Variants in HERC1 observed in about 807,000 individuals in gnomAD.
HERC1 encodes the protein probable E3 ubiquitin-protein ligase HERC1.
In HERC1, 160 loss-of-function variants were observed where a neutral mutation model predicts 554.3. That is an observed-to-expected ratio of 0.29 (90% CI 0.25 to 0.33). HERC1 has a LOEUF of 0.33. Ranked by LOEUF, HERC1 falls within the 10% of genes least tolerant of loss-of-function variation. The pLI is 1.00. For missense variants in HERC1, 4,919 were observed against 5,918.5 expected, an observed-to-expected ratio of 0.83 and a Z score of 5.54; for synonymous variants, 2,175 against 2,131.7, an observed-to-expected ratio of 1.02 and a Z score of -0.56.
chr15:63,641,677 T>A, intron 59 of HERC1, 34 bp from the exon 60 acceptor site: 1 of 1,484,884 alleles, frequency 6.7e-7, no homozygotes, highest in Non-Finnish European at 9.0e-7. Context: ...CATAATAAAT[T>A]TGTTTAAATA....
intron 18 of HERC1, among the ~76,000 whole-genome samples, chr15:63,724,074 A>C (rs2073935999): frequency 6.6e-6 from 1 of 152,076 alleles, no homozygotes; most frequent in Non-Finnish European, 1.5e-5. Flanking sequence ...TAAACAAAAT[A>C]AAATTTTAAT....
At chr15:63,659,251 A>T (rs932749674) in intron 47 of HERC1, among the ~76,000 whole-genome samples, 3 of 152,088 alleles carry the variant, frequency 2.0e-5, no homozygotes, top group Non-Finnish European at 2.9e-5. Flanking sequence ...AAAAATCAAA[A>T]CATTTATTTT....
At chr15:63,722,633 T>A (rs998897698) in intron 19 of HERC1, among the ~76,000 whole-genome samples, 3 of 152,244 alleles carry the variant, frequency 2.0e-5, no homozygotes, top group Non-Finnish European at 4.4e-5. Flanking sequence ...GATCTACTGC[T>A]GCGGTATCAC....
intron 32 of HERC1, 25 bp downstream of exon 32, chr15:63,690,516 T>A (rs761500447): frequency 6.8e-7 from 1 of 1,478,036 alleles, no homozygotes; most frequent in Admixed American, 1.8e-5. Flanking sequence ...GGAAAACATC[T>A]TCTAATAATT....
At chr15:63,675,713 G>A (rs996412140) in intron 37 of HERC1, among the ~76,000 whole-genome samples, 5 of 152,034 alleles carry the variant, frequency 3.3e-5, no homozygotes, top group African/African-American at 1.2e-4. Context: ...TATATTTCCT[G>A]ATATTGGCAA....
intron 77 of HERC1, among the ~76,000 whole-genome samples, chr15:63,611,515 C>T (rs2067590194): frequency 6.6e-6 from 1 of 152,230 alleles, no homozygotes; most frequent in African/African-American, 2.4e-5. Context: ...ACAAGGCACA[C>T]AACACAAGTG....
At chr15:63,794,190 T>TG (rs2076740535) in intron 1 of HERC1, among the ~76,000 whole-genome samples, 1 of 152,210 alleles carries the variant, frequency 6.6e-6, no homozygotes, top group African/African-American at 2.4e-5. Flanking sequence ...CAGCAGCCCT[T>TG]GGGGCTGTTC....
In HERC1 at chr15:63,705,601, G is replaced by A. The variant is rs191863768; in HGVS notation, c.4636+1179C>T. ...CTGCCAAGGAAGCTATTAAGAGAAG[G>A]GTTTCATTCTGAAATACAAAAGATT... On this transcript the variant is annotated intron_variant, in intron 25 of 77. Transcript: ENST00000443617. Among the ~76,000 whole-genome samples, 172 of 151,698 alleles carry A rather than the reference G, an allele frequency of 1.1e-3. 1 individual carries two copies. Among genetic ancestry groups the A allele is most frequent in the African/African-American group, 4.1e-3 (170 of 41,338 alleles).
rs142829699 is a variant in HERC1 at position 63,691,276 on chromosome 15, G to A, written c.5831-629C>T. On this transcript the variant is annotated intron_variant, in intron 31 of 77. Transcript: ENST00000443617. Reference sequence around the variant, plus strand: ...AGGCCAGGAGTTCAAGACCAGCCTGGCCAACATGGTGAAACCCTGCCTTTA... The same window carrying A: ...AGGCCAGGAGTTCAAGACCAGCCTGACCAACATGGTGAAACCCTGCCTTTA... Among the ~76,000 whole-genome samples, 652 of 152,032 alleles carry A rather than the reference G, an allele frequency of 4.3e-3. 3 individuals carry two copies. The highest frequency in any genetic ancestry group is 0.015 in the African/African-American group (607 of 41,454).
chr15:63,710,594 A>G (rs771733826), intron 24 of HERC1, among the ~76,000 whole-genome samples: 10 of 152,222 alleles, frequency 6.6e-5, no homozygotes, highest in Non-Finnish European at 1.2e-4. Flanking sequence ...TGATCAATGA[A>G]TAACTAAATT....
At chr15:63,707,832 G>C (rs1489019309) in intron 24 of HERC1, among the ~76,000 whole-genome samples, 2 of 149,214 alleles carry the variant, frequency 1.3e-5, no homozygotes, top group Non-Finnish European at 3.0e-5. Context: ...GGGAGGCTAA[G>C]GCAGGAGAAT....
Position 63,727,376 on chromosome 15 carries a change from C to G in HERC1, c.3346+271G>C, listed in dbSNP as rs557874802. On this transcript the variant is annotated intron_variant, in intron 17 of 77. Coordinates refer to ENST00000443617, the MANE Select transcript of HERC1 (RefSeq NM_003922.4). This position sits in a 1 kb window ranked among gnomAD's most constrained non-coding sequence, Gnocchi z 4.3. ...AATTTGACACTTGGACTAAGTGACA[C>G]TTGATCACTGAACTGTATAATGTTA... is the stretch of plus-strand genomic sequence containing the variant. Among the ~76,000 whole-genome samples, 37 of 152,312 alleles carry G rather than the reference C, an allele frequency of 2.4e-4. No individual in the cohort carries two copies. The highest frequency in any genetic ancestry group is 7.9e-4 in the African/African-American group (33 of 41,574).
chr15:63,612,334 T>G lies in HERC1; in HGVS notation c.14317A>C (p.Met4773Leu), dbSNP rs1228725595. ...EFSNEERVLF[M>L]RFVSGRSRLP... ...CGAGATCTTCCTGACACAAACCTCA[T>G]GAAAAGCACCCGCTCCTCATTGGAG... Residue 4773 changes from methionine (M) to leucine (L), a missense_variant, in exon 77 of 78, where the codon ATG (methionine) becomes CTG (leucine). Met to Leu is a conservative substitution (Grantham distance 15, BLOSUM62 2). Around this residue, in one of 11 missense-constraint regions of HERC1, gnomAD observed 284 missense variants for 294.1 expected, o/e 0.97. Coordinates refer to ENST00000443617, the MANE Select transcript of HERC1 (RefSeq NM_003922.4). This position sits in a 1 kb window ranked among gnomAD's most constrained non-coding sequence, Gnocchi z 5.0. 5.0e-6 allele frequency: 8 copies of G among 1,613,894 alleles called. No individual in the cohort carries two copies. The highest frequency in any genetic ancestry group is 6.8e-6 in the Non-Finnish European group (8 of 1,179,886).
At chr15:63,709,522 T>C (rs1240764701) in intron 24 of HERC1, among the ~76,000 whole-genome samples, 1 of 152,178 alleles carries the variant, frequency 6.6e-6, no homozygotes, top group African/African-American at 2.4e-5. Context: ...ACAACAGGCA[T>C]TATTCTCCAC....
rs1435284149 is a variant in HERC1, at chr15:63,675,539, G to A, written c.7071-422C>T. On this transcript the variant is annotated intron_variant, in intron 37 of 77. Transcript: ENST00000443617. ...GTACCTTTACTTATAAAAACAGGAG[G>A]TTGGTCAGATGTAGTTTGATGTAAG... 2.6e-5 allele frequency among the ~76,000 whole-genome samples: 4 copies of A among 152,108 alleles called. No homozygotes were observed. The East Asian group carries it at 7.7e-4, about 29-fold the overall frequency.
At chr15:63,657,987 T>C (rs1409213044) in intron 48 of HERC1, among the ~76,000 whole-genome samples, 1 of 152,260 alleles carries the variant, frequency 6.6e-6, no homozygotes, top group Non-Finnish European at 1.5e-5. Flanking sequence ...CTCTCTTCTG[T>C]ACTATCCTAT....
At chr15:63,697,691 G>A (rs765301014) in intron 26 of HERC1, among the ~76,000 whole-genome samples, 31 of 152,088 alleles carry the variant, frequency 2.0e-4, no homozygotes, top group Non-Finnish European at 4.0e-4. Flanking sequence ...CTGATCTCAG[G>A]TGATCCACCC....
At chr15:63,818,557 C>T (rs2077575379) in intron 1 of HERC1, among the ~76,000 whole-genome samples, 1 of 152,122 alleles carries the variant, frequency 6.6e-6, no homozygotes, top group African/African-American at 2.4e-5. Flanking sequence ...AAAACTAAGT[C>T]ACATTTTGTC....
At chr15:63,774,673 G>C in intron 2 of HERC1, 21 bp downstream of exon 2, 1 of 1,529,450 alleles carries the variant, frequency 6.5e-7, no homozygotes, top group South Asian at 1.3e-5. Flanking sequence ...GAACTTTAAA[G>C]TTGAGACTTA....
Sources: gnomAD v4.1 joint callset for allele counts (sites outside exome capture counted in the v4.1 genomes callset) on GRCh38, gnomAD v4.1.1 for gene constraint, gnomAD v4.1.1 regional missense constraint, Gnocchi (gnomAD v3.1) non-coding constraint, MANE v1.5 for transcripts, NCBI Gene and HGNC (gene_info 2026-07-23, HGNC 2026-07-21) for gene names.